TLK2: variants seen among roughly 807,000 people sequenced by gnomAD.
TLK2 encodes tousled like kinase 2.
Under a neutral mutation model 117.3 loss-of-function variants are expected in TLK2, and 6 were observed. The observed-to-expected ratio is 0.05, with a 90% CI of 0.03 to 0.10. The LOEUF (loss-of-function observed/expected upper bound fraction) is 0.10, where lower values mean the gene tolerates loss of function less well. Ranked by LOEUF, TLK2 falls within the 10% of genes least tolerant of loss-of-function variation. TLK2 has a pLI of 1.00. For synonymous variants in TLK2, 257 were observed against 316.7 expected, an observed-to-expected ratio of 0.81 and a Z score of 2.00; for missense variants, 299 against 901.2, an observed-to-expected ratio of 0.33 and a Z score of 8.56.
At position 62,603,011 on chromosome 17, in the gene TLK2, T is replaced by C. The variant is rs1598880747; in HGVS notation, c.1859+831T>C. Among the ~76,000 whole-genome samples the C allele has an allele frequency of 2.0e-5, 3 of 152,276 alleles. No homozygotes were observed. In the East Asian group the frequency reaches 5.8e-4, roughly 29 times the overall value. The stretch of plus-strand genomic sequence containing the variant: ...ATACAAGTCTCTCTTCCTGGCTTAA[T>C]GGGATGAGGGATTTGCTTCAAGAGT... On this transcript the variant is annotated intron_variant, in intron 19 of 21. Coordinates refer to ENST00000346027, the MANE Select transcript of TLK2 (RefSeq NM_006852.6).
intron 2 of TLK2, among the ~76,000 whole-genome samples, chr17:62,503,729 T>A (rs2074416165): frequency 2.7e-4 from 1 of 3,770 alleles, no homozygotes; most frequent in Non-Finnish European, 0.25. Flanking sequence ...TAGTTATATC[T>A]TTTTTTTTTT....
chr17:62,565,143 T>C lies in TLK2; in HGVS notation c.968+6T>C, dbSNP rs2079647637. 3.1e-6 allele frequency: 5 copies of C among 1,596,966 alleles called. No individual in the cohort carries two copies. The highest frequency in any genetic ancestry group is 1.7e-4 in the Middle Eastern group (1 of 5,970). On this transcript the variant is annotated splice_donor_region_variant and intron_variant, in intron 11 of 21. Transcript: ENST00000346027. ...GCTTTTCAGAATCTTATCAAGTAAGTGAATTGTTATGATTAAATGGAGAAT... is the reference window on the plus strand; with the variant it reads ...GCTTTTCAGAATCTTATCAAGTAAGCGAATTGTTATGATTAAATGGAGAAT...
chr17:62,605,530 G>C (rs934051189), intron 19 of TLK2, among the ~76,000 whole-genome samples: 2 of 151,888 alleles, frequency 1.3e-5, no homozygotes, highest in African/African-American at 4.8e-5. Flanking sequence ...GTGCTACCAG[G>C]CGCAGCTAAT....
intron 11 of TLK2, among the ~76,000 whole-genome samples, chr17:62,570,757 T>TTA (rs1488736412): frequency 1.3e-5 from 2 of 152,288 alleles, no homozygotes; most frequent in Admixed American, 6.5e-5. Context: ...GTGTTATGGT[T>TTA]TATATATATT....
chr17:62,565,406 G>A (rs1028055033), intron 11 of TLK2, among the ~76,000 whole-genome samples: 4 of 152,124 alleles, frequency 2.6e-5, no homozygotes, highest in African/African-American at 2.4e-5. Flanking sequence ...TGTAATCCCA[G>A]CACTTTGGGA....
intron 6 of TLK2, among the ~76,000 whole-genome samples, chr17:62,525,451 ATTT>A (rs397756034): frequency 4.3e-5 from 6 of 139,350 alleles, no homozygotes; most frequent in Admixed American, 7.2e-5. Context: ...TATATATGTA[ATTT>A]TTTTTTTTTT....
At chr17:62,548,289 A>ATT (rs897530767) in intron 7 of TLK2, among the ~76,000 whole-genome samples, 1 of 77,428 alleles carries the variant, frequency 1.3e-5, no homozygotes, top group Non-Finnish European at 2.9e-5. Flanking sequence ...TTTTATTTTT[A>ATT]TTTTTTTTTT....
chr17:62,593,649 G>A (rs1299459448), intron 16 of TLK2, among the ~76,000 whole-genome samples: 1 of 151,884 alleles, frequency 6.6e-6, no homozygotes, highest in East Asian at 1.9e-4. Flanking sequence ...CCCACTGGAA[G>A]CTCTTCAGGG....
chr17:62,544,351 A>G (rs2077749554), intron 7 of TLK2, among the ~76,000 whole-genome samples: 2 of 152,198 alleles, frequency 1.3e-5, no homozygotes, highest in Admixed American at 6.5e-5. Context: ...AGGAGAAGCA[A>G]GCACCTTCTT....
chr17:62,475,100 T>C (rs746984364), upstream of TLK2, among the ~76,000 whole-genome samples: 2 of 152,124 alleles, frequency 1.3e-5, no homozygotes, highest in Admixed American at 6.6e-5. Context: ...CGTTTTTCCA[T>C]TTTGTTAGGA....
chr17:62,596,736 T>C, intron 17 of TLK2, 62 bp downstream of exon 17: 1 of 1,438,762 alleles, frequency 7.0e-7, no homozygotes, highest in Admixed American at 1.7e-5. Flanking sequence ...TGATTGTTCA[T>C]GGAATAGAGC....
intron 6 of TLK2, among the ~76,000 whole-genome samples, chr17:62,529,025 A>G (rs1598400129): frequency 3.9e-5 from 6 of 152,160 alleles, no homozygotes; most frequent in Admixed American, 3.9e-4. Flanking sequence ...TCCATAAACA[A>G]AATAGTTCAG....
chr17:62,596,855 A>G (rs551348147), intron 17 of TLK2, among the ~76,000 whole-genome samples, 181 bp downstream of exon 17: 2 of 152,374 alleles, frequency 1.3e-5, no homozygotes, highest in South Asian at 4.1e-4. Context: ...GCCAAAGGAC[A>G]TGTGCACTTG....
At chr17:62,564,969 T>C in intron 10 of TLK2, 32 bp from the exon 11 acceptor site, 1 of 1,588,482 alleles carries the variant, frequency 6.3e-7, no homozygotes, top group East Asian at 2.2e-5. Context: ...CTAATTGGTA[T>C]TGAATTCCTT....
chr17:62,537,693 T>C (rs1030372944), intron 7 of TLK2, among the ~76,000 whole-genome samples: 14 of 152,200 alleles, frequency 9.2e-5, no homozygotes, highest in Non-Finnish European at 5.9e-5. Flanking sequence ...GATAAATCAT[T>C]ATCTTACTTG....
At position 62,514,930 on chromosome 17, in the gene TLK2, C is replaced by T. The variant is rs551175483; in HGVS notation, c.82-5843C>T. Among the ~76,000 whole-genome samples, 3 of 152,306 alleles carry T rather than the reference C, an allele frequency of 2.0e-5. No individual in the cohort carries two copies. The East Asian group carries it at 5.8e-4, about 29-fold the overall frequency. On this transcript the variant is annotated intron_variant, in intron 2 of 21. Coordinates refer to ENST00000346027, the MANE Select transcript of TLK2 (RefSeq NM_006852.6). ...CTTAACCATTTTTAAGTGTACAGTT[C>T]AGTAGTAAATACATTCATATTGTTT...
Position 62,602,126 on chromosome 17 carries a change from G to C in TLK2, c.1805G>C (p.Ser602Thr). The part of the protein sequence containing the change: ...FGLSKIMDDD[S>T]YNSVDGMELT... ...CTTTCGAAGATCATGGATGATGATAGCTACAATTCAGTGGATGGCATGGAG... is the reference window on the plus strand; with the variant it reads ...CTTTCGAAGATCATGGATGATGATACCTACAATTCAGTGGATGGCATGGAG... Residue 602 changes from serine to threonine, a missense_variant, in exon 19 of 22, where the codon AGC becomes ACC. This residue lies in a region of TLK2 where 81 missense variants were observed against 370.9 expected (regional missense o/e 0.22). Coordinates refer to ENST00000346027, the MANE Select transcript of TLK2 (RefSeq NM_006852.6). 6.2e-7 allele frequency: 1 copy of C among 1,613,868 alleles called. No homozygotes were observed. The highest frequency in any genetic ancestry group is 1.1e-5 in the South Asian group (1 of 91,070).
At chr17:62,477,189 GT>G (rs2071075958), upstream of TLK2, among the ~76,000 whole-genome samples, 3 of 152,204 alleles carry the variant, frequency 2.0e-5, no homozygotes, top group African/African-American at 7.2e-5. Context: ...TGTCTTTTGT[GT>G]TGCCTTGGAC....
chr17:62,499,980 T>TTAA (rs1436680191), intron 2 of TLK2, among the ~76,000 whole-genome samples: 1 of 152,180 alleles, frequency 6.6e-6, no homozygotes, highest in Non-Finnish European at 1.5e-5. Flanking sequence ...TTACAGAACT[T>TTAA]TTTAGAGTGC....
Sources: allele counts gnomAD v4.1 joint callset (sites outside exome capture counted in the v4.1 genomes callset), GRCh38; gene constraint gnomAD v4.1.1; regional missense constraint gnomAD v4.1.1; transcripts MANE v1.5; gene names NCBI Gene and HGNC (gene_info 2026-07-23, HGNC 2026-07-21).